The following AK8 variants were observed in gnomAD, a reference collection of about 807,000 sequenced individuals.
AK8 encodes adenylate kinase 8.
Under a neutral mutation model 54.6 loss-of-function variants are expected in AK8, and 44 were observed. The observed-to-expected ratio is 0.81, with a 90% CI of 0.63 to 1.04. AK8 has a LOEUF of 1.04. Among genes scored for constraint, AK8 ranks in the 50% least tolerant of loss-of-function variants. AK8 has a pLI of 0.00. For missense variants in AK8, 555 were observed against 613.6 expected (o/e 0.90, Z 1.01); for synonymous variants, 239 against 245.6 (o/e 0.97, Z 0.25).
In AK8 at chr9:132,828,019, T is replaced by C; in HGVS notation, c.550A>G (p.Thr184Ala). Residue 184 changes from threonine (T) to alanine (A), a missense_variant, in exon 7 of 13, where the codon ACT (threonine) becomes GCT (alanine). Thr to Ala is a moderately conservative substitution (Grantham distance 58). Transcript: ENST00000298545. ...GGGGTGGCCGTAGCCATACCTCCAG[T>C]TTGAGGGTCGATTCTCTTCCCCAAG... ...RNLGKRIDPQ[T>A]GEIYHTTFDW... is the part of the protein sequence containing the mutation. 1 of 1,564,778 alleles carries C rather than the reference T, an allele frequency of 6.4e-7. No homozygotes were observed. Among genetic ancestry groups the C allele is most frequent in the Admixed American group, 1.9e-5 (1 of 52,898 alleles).
At chr9:132,828,142 T>G in intron 6 of AK8, 58 bp from the exon 7 acceptor site, 1 of 1,463,798 alleles carries the variant, frequency 6.8e-7, no homozygotes, top group East Asian at 2.5e-5. Context: ...TGCCACACAT[T>G]TGAATATCAC....
intron 11 of AK8, among the ~76,000 whole-genome samples, chr9:132,767,042 G>A (rs1453455587): frequency 2.6e-5 from 4 of 152,210 alleles, no homozygotes; most frequent in Non-Finnish European, 5.9e-5. Context: ...AAGAAAACAT[G>A]AGGAAACACT....
chr9:132,803,974 T>C lies in AK8; in HGVS notation c.979+10664A>G, dbSNP rs215168. ...TACAAAAATTAGCCGGGCGTGGTGG[T>C]GGGCGCCTGTAGTCCCAGTTACTCA... On this transcript the variant is annotated intron_variant, in intron 10 of 12. Transcript: ENST00000298545. The surrounding 1 kb of genome is among the most constrained non-coding windows in gnomAD (Gnocchi z 4.4). 0.28 allele frequency among the ~76,000 whole-genome samples: 42,831 copies of C among 151,502 alleles called. 6,200 individuals carry two copies. Among genetic ancestry groups the C allele is most frequent in the East Asian group, 0.49 (2,528 of 5,156 alleles).
chr9:132,810,755 T>C (rs896778549), intron 10 of AK8, among the ~76,000 whole-genome samples: 4 of 152,146 alleles, frequency 2.6e-5, no homozygotes, highest in African/African-American at 9.7e-5. Flanking sequence ...TTGGCGACCG[T>C]GACATCCCAC....
At chr9:132,810,226 A>G (rs1371016803) in intron 10 of AK8, among the ~76,000 whole-genome samples, 4 of 152,210 alleles carry the variant, frequency 2.6e-5, no homozygotes, top group Non-Finnish European at 5.9e-5. Flanking sequence ...GGAAGAGCGA[A>G]AGTATAGAGG....
chr9:132,808,269 C>T (rs968198628), intron 10 of AK8, among the ~76,000 whole-genome samples: 6 of 152,160 alleles, frequency 3.9e-5, no homozygotes, highest in African/African-American at 1.4e-4. Context: ...AAGAACTCCA[C>T]GTGCGGAGCC....
chr9:132,870,084 G>A (rs890351289), intron 2 of AK8, among the ~76,000 whole-genome samples: 1 of 152,164 alleles, frequency 6.6e-6, no homozygotes, highest in African/African-American at 2.4e-5. Flanking sequence ...TTTGGGGAGC[G>A]AACCTGACTC....
intron 9 of AK8, among the ~76,000 whole-genome samples, chr9:132,817,261 C>A (rs1841374111): frequency 1.3e-5 from 2 of 152,160 alleles, no homozygotes; most frequent in Non-Finnish European, 2.9e-5. Flanking sequence ...AAACTCAATA[C>A]TCTTAAAGCA....
intron 5 of AK8, among the ~76,000 whole-genome samples, chr9:132,852,441 C>G (rs1843000719): frequency 6.6e-6 from 1 of 151,994 alleles, no homozygotes; most frequent in African/African-American, 2.4e-5. Context: ...AACCTCGTCT[C>G]TACTAAAAAA....
At chr9:132,827,827 T>C (rs1351322376) in intron 7 of AK8, 186 bp downstream of exon 7, 3 of 590,584 alleles carry the variant, frequency 5.1e-6, no homozygotes, top group Non-Finnish European at 8.9e-6. Flanking sequence ...AGGCCTCCAT[T>C]TCCTCATCTA....
chr9:132,727,664 A>T (rs1205444921), intron 11 of AK8, 130 bp from the exon 12 acceptor site: 15 of 820,038 alleles, frequency 1.8e-5, no homozygotes, highest in Non-Finnish European at 2.7e-5. Flanking sequence ...AGAGCCAGCA[A>T]GCAATGTGCC....
chr9:132,861,794 G>T (rs982596855), intron 4 of AK8, among the ~76,000 whole-genome samples: 3 of 152,206 alleles, frequency 2.0e-5, no homozygotes, highest in African/African-American at 7.2e-5. Context: ...GGCACTGTCT[G>T]CAGACAAGGC....
chr9:132,799,181 G>A lies in AK8; in HGVS notation c.980-6406C>T, dbSNP rs1840326069. Among the ~76,000 whole-genome samples the A allele has an allele frequency of 6.6e-6, 1 of 152,148 alleles. No homozygotes were observed. The highest frequency in any genetic ancestry group is 2.1e-4 in the South Asian group (1 of 4,828). On this transcript the variant is annotated intron_variant, in intron 10 of 12. Coordinates refer to ENST00000298545, the MANE Select transcript of AK8 (RefSeq NM_152572.3). This position sits in a 1 kb window ranked among gnomAD's most constrained non-coding sequence, Gnocchi z 5.0. ...CTGCTGCGCCACGCCGCCGCCTGCT[G>A]TCCGCACCGCAGAGCCAGCCCTGCA...
At chr9:132,792,889 G>A in intron 10 of AK8, 114 bp from the exon 11 acceptor site, 1 of 1,321,114 alleles carries the variant, frequency 7.6e-7, no homozygotes, top group South Asian at 1.7e-5. Context: ...TCTAGGTGGA[G>A]CCACTTGGAA....
At chr9:132,876,333 T>C (rs1844096853) in intron 1 of AK8, among the ~76,000 whole-genome samples, 1 of 151,724 alleles carries the variant, frequency 6.6e-6, no homozygotes, top group Non-Finnish European at 1.5e-5. Flanking sequence ...CATTGTGTAT[T>C]TAACGTGTAT....
At chr9:132,813,069 C>CTCTCACT (rs1841146184) in intron 10 of AK8, among the ~76,000 whole-genome samples, 8 of 88,772 alleles carry the variant, frequency 9.0e-5, no homozygotes, top group East Asian at 1.0e-3. Flanking sequence ...GGACCAGACC[C>CTCTCACT]GCTCACTGCC....
chr9:132,800,336 T>C (rs1840383164), intron 10 of AK8, among the ~76,000 whole-genome samples: 1 of 152,170 alleles, frequency 6.6e-6, no homozygotes, highest in Admixed American at 6.5e-5. Context: ...CACCTGCTGG[T>C]GAAACATGGG....
chr9:132,878,005 A>G lies in AK8; in HGVS notation c.84+167T>C, dbSNP rs760461521. 1.3e-5 allele frequency: 20 copies of G among 1,508,520 alleles called. No individual in the cohort carries two copies. In the South Asian group the frequency reaches 2.3e-4, roughly 17 times the overall value. The allele number at this position is 1,508,520 out of a possible 1,614,324, so 93.4% of individuals were successfully genotyped here. On this transcript the variant is annotated intron_variant, in intron 1 of 12. Coordinates refer to ENST00000298545, the MANE Select transcript of AK8 (RefSeq NM_152572.3). The surrounding 1 kb of genome is among the most constrained non-coding windows in gnomAD (Gnocchi z 4.7). ...CAGGACCAGGAGCGTCCCCAGCTCGAGGGCCCCCTCGGGGTCACGGCGACA... is the reference window on the plus strand; with the variant it reads ...CAGGACCAGGAGCGTCCCCAGCTCGGGGGCCCCCTCGGGGTCACGGCGACA...
rs1044723125 is a variant in AK8, at chr9:132,797,256, C to G, written c.980-4481G>C. Reference sequence around the variant, plus strand: ...CAGGCTCATTGCTATACCCCAGCACCTGGCACAGTACTGGGCCCACGGAAA... The same window carrying G: ...CAGGCTCATTGCTATACCCCAGCACGTGGCACAGTACTGGGCCCACGGAAA... On this transcript the variant is annotated intron_variant, in intron 10 of 12. Coordinates refer to ENST00000298545, the MANE Select transcript of AK8 (RefSeq NM_152572.3). 3.3e-5 allele frequency among the ~76,000 whole-genome samples: 5 copies of G among 152,168 alleles called. 1 individual carries two copies. The highest frequency in any genetic ancestry group is 1.9e-4 in the East Asian group (1 of 5,172).
Sources: gnomAD v4.1 joint callset for allele counts (sites outside exome capture counted in the v4.1 genomes callset) on GRCh38, gnomAD v4.1.1 for gene constraint, Gnocchi (gnomAD v3.1) non-coding constraint, MANE v1.5 for transcripts, NCBI Gene and HGNC (gene_info 2026-07-23, HGNC 2026-07-21) for gene names.